The following ANKRD36C variants were observed in gnomAD, a reference collection of about 807,000 sequenced individuals.
ANKRD36C encodes ankyrin repeat domain-containing protein 36C.
A neutral mutation model predicts 276.4 loss-of-function variants in ANKRD36C; 61 were observed. The observed-to-expected ratio is 0.22, with a 90% confidence interval of 0.18 to 0.27. The LOEUF is 0.27. Ranked by LOEUF, ANKRD36C falls within the 10% of genes least tolerant of loss-of-function variation. The probability of loss-of-function intolerance (pLI) is 1.00; values close to 1 mark genes in which losing one functional copy is unlikely to be tolerated. For synonymous variants in ANKRD36C, 483 were observed against 680.1 expected, an observed-to-expected ratio of 0.71 and a Z score of 4.51; for missense variants, 1,447 against 2,032.3, an observed-to-expected ratio of 0.71 and a Z score of 5.54.
intron 6 of ANKRD36C, among the ~76,000 whole-genome samples, chr2:95,963,972 AATATATATATAT>A (rs1160108122): frequency 2.1e-3 from 104 of 48,998 alleles, no homozygotes; most frequent in Admixed American, 6.6e-3. Context: ...TATATATATA[AATATATATATAT>A]ATATATATAT....
exon 61 of ANKRD36C, chr2:95,860,031 A>G: frequency 6.5e-7 from 1 of 1,546,214 alleles, no homozygotes; most frequent in Admixed American, 2.0e-5. Flanking sequence ...TTAATCTTTT[A>G]CATAAACAAA....
intron 22 of ANKRD36C, among the ~76,000 whole-genome samples, chr2:95,937,378 A>G (rs1408307228): frequency 6.6e-6 from 1 of 152,308 alleles, no homozygotes; most frequent in Non-Finnish European, 1.5e-5. Flanking sequence ...AGACAAGGCT[A>G]GATCCTTACC....
intron 17 of ANKRD36C, among the ~76,000 whole-genome samples, chr2:95,946,908 TG>T (rs1678067442): frequency 8.8e-6 from 1 of 113,202 alleles, no homozygotes; most frequent in Non-Finnish European, 1.8e-5. Flanking sequence ...GGGACTGTTG[TG>T]GGGTGGGGGT....
intron 44 of ANKRD36C, among the ~76,000 whole-genome samples, chr2:95,895,189 A>G (rs1157511251): frequency 6.7e-6 from 1 of 148,542 alleles, no homozygotes; most frequent in South Asian, 2.2e-4. Context: ...CTTCCTCCCA[A>G]TTGCAATGTG....
exon 3 of ANKRD36C, chr2:95,986,923 G>T: frequency 6.2e-7 from 1 of 1,612,718 alleles, no homozygotes; most frequent in Non-Finnish European, 8.5e-7. Context: ...CAGTTGTACA[G>T]CCTGTCAGTA....
At chr2:95,915,906 C>T (rs1213882427) in intron 38 of ANKRD36C, 74 bp downstream of exon 40, 9 of 1,501,474 alleles carry the variant, frequency 6.0e-6, no homozygotes, top group Non-Finnish European at 7.2e-6. Flanking sequence ...CGACCAGCCC[C>T]CCACTGATTT....
intron 38 of ANKRD36C, among the ~76,000 whole-genome samples, chr2:95,914,998 A>G (rs1177135933): frequency 1.3e-5 from 2 of 151,558 alleles, no homozygotes; most frequent in East Asian, 3.9e-4. Flanking sequence ...CAATAAAAAT[A>G]TCATCCATTA....
chr2:95,862,015 TA>T (rs1675597655), intron 60 of ANKRD36C, among the ~76,000 whole-genome samples: 1 of 151,154 alleles, frequency 6.6e-6, no homozygotes, highest in Non-Finnish European at 1.5e-5. Flanking sequence ...GTCACAATTG[TA>T]AAAGGTTCAG....
At chr2:95,988,023 T>C (rs924687097) in intron 1 of ANKRD36C, among the ~76,000 whole-genome samples, 1 of 152,040 alleles carries the variant, frequency 6.6e-6, no homozygotes, top group Non-Finnish European at 1.5e-5. Flanking sequence ...CATTATCTTA[T>C]TGATATATAA....
At chr2:95,991,657 A>C (rs1331605203) in exon 1 of ANKRD36C, 1 of 1,613,992 alleles carries the variant, frequency 6.2e-7, no homozygotes, top group Non-Finnish European at 8.5e-7. Context: ...AAGCCATCCG[A>C]GCACAAGCGG....
intron 60 of ANKRD36C, among the ~76,000 whole-genome samples, chr2:95,861,720 C>G (rs1675587513): frequency 1.3e-5 from 2 of 152,146 alleles, no homozygotes; most frequent in South Asian, 2.1e-4. Flanking sequence ...AATCACACAG[C>G]TACCAGACAA....
chr2:95,897,928 TACG>T (rs1379542470), intron 44 of ANKRD36C, among the ~76,000 whole-genome samples: 4 of 132,056 alleles, frequency 3.0e-5, no homozygotes, highest in Non-Finnish European at 5.0e-5. Flanking sequence ...GGCACACAAT[TACG>T]ACGACAATTC....
chr2:95,914,746 A>G (rs933077076), intron 38 of ANKRD36C, among the ~76,000 whole-genome samples: 6 of 151,464 alleles, frequency 4.0e-5, no homozygotes, highest in African/African-American at 1.5e-4. Context: ...AACTTGCCCA[A>G]AAACTGAGAA....
At chr2:95,987,695 C>A (rs1372475827) in intron 1 of ANKRD36C, among the ~76,000 whole-genome samples, 4 of 147,636 alleles carry the variant, frequency 2.7e-5, no homozygotes, top group Admixed American at 1.4e-4. Context: ...AATCTCGGCT[C>A]ACTGCAAGCT....
At chr2:95,991,716 G>A in exon 1 of ANKRD36C, 3 of 1,611,736 alleles carry the variant, frequency 1.9e-6, no homozygotes, top group Non-Finnish European at 2.5e-6. Flanking sequence ...CATAATGGTC[G>A]GCTGCAAATT....
intron 1 of ANKRD36C, among the ~76,000 whole-genome samples, chr2:95,987,938 T>C (rs1679065385): frequency 1.3e-5 from 2 of 152,108 alleles, no homozygotes; most frequent in Admixed American, 6.5e-5. Flanking sequence ...TTCTCTTATA[T>C]ATTAACATCT....
At chr2:95,858,733 T>C (rs1339920445) in intron 61 of ANKRD36C, among the ~76,000 whole-genome samples, 1 of 152,180 alleles carries the variant, frequency 6.6e-6, no homozygotes, top group Non-Finnish European at 1.5e-5. Flanking sequence ...ATCAGCAGAT[T>C]ACTGTAATCC....
intron 42 of ANKRD36C, 37 bp from the exon 46 acceptor site, chr2:95,910,482 A>T: frequency 6.3e-7 from 1 of 1,598,736 alleles, no homozygotes; most frequent in Non-Finnish European, 8.5e-7. Context: ...AAATAAATAA[A>T]GTATGTTTCA....
chr2:95,876,776 C>T (rs1486305944), intron 58 of ANKRD36C, among the ~76,000 whole-genome samples: 3 of 137,102 alleles, frequency 2.2e-5, no homozygotes, highest in African/African-American at 8.2e-5. Flanking sequence ...GGCGTGAGCC[C>T]GGGAAGTGGA....
Sources: allele counts gnomAD v4.1 joint callset (sites outside exome capture counted in the v4.1 genomes callset), GRCh38; gene constraint gnomAD v4.1.1; transcripts MANE v1.5; gene names NCBI Gene and HGNC (gene_info 2026-07-23, HGNC 2026-07-21).